Variants in FBXW8 observed in about 807,000 individuals in gnomAD.
FBXW8 encodes F-box/WD repeat-containing protein 8.
In FBXW8, 57 loss-of-function variants were observed where a neutral mutation model predicts 65.3. The observed-to-expected ratio is 0.87, with a 90% confidence interval of 0.71 to 1.09. FBXW8 has a LOEUF of 1.09. Among genes scored for constraint, FBXW8 ranks in the 50% least tolerant of loss-of-function variants. FBXW8 has a pLI of 0.00. For missense variants in FBXW8, 777 were observed against 814.8 expected (o/e 0.95, Z 0.57); for synonymous variants, 308 against 330.2 (o/e 0.93, Z 0.73).
chr12:116,928,014 T>TC lies in FBXW8; in HGVS notation c.319-5dup, dbSNP rs753858787. 10 of 1,504,656 alleles carry TC rather than the reference T, an allele frequency of 6.6e-6. No individual in the cohort carries two copies. The African/African-American group carries it at 7.2e-5, about 11-fold the overall frequency. The allele number at this position is 1,504,656 out of a possible 1,614,324, so 93.2% of individuals were successfully genotyped here. On this transcript the variant is annotated splice_polypyrimidine_tract_variant and intron_variant, in intron 1 of 10. Transcript: ENST00000652555. ...ATTATAAACTTCTTTCTTTTTTTTT[T>TC]CCCCTCAGAATGAAATGAATGATGT...
chr12:116,984,958 C>T (rs1211066864), intron 5 of FBXW8, among the ~76,000 whole-genome samples: 1 of 152,070 alleles, frequency 6.6e-6, no homozygotes, highest in Non-Finnish European at 1.5e-5. Flanking sequence ...CCACTGCACT[C>T]CAGCCTGGGC....
At chr12:116,955,538 G>A (rs1883588077) in intron 4 of FBXW8, among the ~76,000 whole-genome samples, 3 of 152,186 alleles carry the variant, frequency 2.0e-5, no homozygotes, top group African/African-American at 4.8e-5. Context: ...TTGTGTTTTA[G>A]CACAGAGTTT....
In FBXW8 at chr12:117,028,324, TGCACTTCCCCCAGCGCCTGGG is replaced by T. The variant is rs1954288407; in HGVS notation, c.*156_*176del. On this transcript the variant is annotated 3_prime_UTR_variant, in exon 11 of 11. Coordinates refer to ENST00000652555, the MANE Select transcript of FBXW8 (RefSeq NM_153348.3). This position sits in a 1 kb window ranked among gnomAD's most constrained non-coding sequence, Gnocchi z 4.1. ...TGACAGCACGCATCTCCCTGACCCC[TGCACTTCCCCCAGCGCCTGGG>T]GCAAGCTGGCGTGTGCCAGGGCTCG... 1 of 922,160 alleles carries T rather than the reference TGCACTTCCCCCAGCGCCTGGG, an allele frequency of 1.1e-6. No individual in the cohort carries two copies. Among genetic ancestry groups the T allele is most frequent in the African/African-American group, 1.7e-5 (1 of 58,860 alleles). 57.1% of individuals were successfully genotyped at this position (922,160 alleles called of 1,614,324 possible). A position where few individuals can be genotyped will look rare whatever the true frequency, so the allele number is the denominator to read the frequency against.
intron 3 of FBXW8, 146 bp from the exon 4 acceptor site, chr12:116,949,472 T>C: frequency 1.5e-6 from 1 of 687,116 alleles, no homozygotes; most frequent in Non-Finnish European, 2.6e-6. Flanking sequence ...ATCATCTTTG[T>C]CTTTTTGAAT....
rs1026025633 is a variant in FBXW8, at chr12:117,030,992, C to G, written c.*2820C>G. The G allele has an allele frequency of 1.3e-5, 2 of 152,214 alleles. No homozygotes were observed. The highest frequency in any genetic ancestry group is 2.9e-5 in the Non-Finnish European group (2 of 68,042). 9.4% of individuals were successfully genotyped at this position (152,214 alleles called of 1,614,324 possible). ...GTCCCTCTCAGGGACGCCTCCATCCCCGGCTCCCCTAAAGGTAGAAGATAC... is the reference window on the plus strand; with the variant it reads ...GTCCCTCTCAGGGACGCCTCCATCCGCGGCTCCCCTAAAGGTAGAAGATAC... On this transcript the variant is annotated 3_prime_UTR_variant, in exon 11 of 11. Transcript: ENST00000652555.
At chr12:116,939,108 G>A (rs539959689) in intron 2 of FBXW8, among the ~76,000 whole-genome samples, 1 of 152,332 alleles carries the variant, frequency 6.6e-6, no homozygotes, top group Non-Finnish European at 1.5e-5. Flanking sequence ...GGGCTTTTGA[G>A]ATACTCGTTG....
At chr12:116,962,890 C>G (rs1884070388) in intron 4 of FBXW8, among the ~76,000 whole-genome samples, 1 of 152,154 alleles carries the variant, frequency 6.6e-6, no homozygotes, top group South Asian at 2.1e-4. Context: ...GCAGTGAGCT[C>G]CAGGGTATGT....
chr12:116,922,178 C>T (rs566305244), intron 1 of FBXW8, among the ~76,000 whole-genome samples: 3 of 152,046 alleles, frequency 2.0e-5, no homozygotes, highest in South Asian at 2.1e-4. Context: ...TATTTCGAGA[C>T]AAATTGTGGA....
At chr12:117,026,509 C>CT (rs149631040) in intron 9 of FBXW8, among the ~76,000 whole-genome samples, 4,110 of 152,174 alleles carry the variant, frequency 0.027, 182 homozygotes, top group African/African-American at 0.088. Context: ...GCAGGGACTG[C>CT]TTCCCAGCTT....
intron 5 of FBXW8, among the ~76,000 whole-genome samples, chr12:116,975,242 G>C (rs187479229): frequency 2.0e-5 from 3 of 152,194 alleles, no homozygotes; most frequent in Non-Finnish European, 4.4e-5. Context: ...GTCTCTGTCC[G>C]TTTGGGCTGT....
chr12:116,999,279 C>T (rs1953451655), intron 7 of FBXW8, among the ~76,000 whole-genome samples: 1 of 152,220 alleles, frequency 6.6e-6, no homozygotes, highest in South Asian at 2.1e-4. Context: ...GAGAGCTGCT[C>T]TGCTGGACCT....
rs1353421332 is a variant in FBXW8 at position 117,028,005 on chromosome 12, C to CA, written c.1653-22dup. The CA allele has an allele frequency of 6.2e-7, 1 of 1,613,628 alleles. No individual in the cohort carries two copies. The highest frequency in any genetic ancestry group is 1.7e-5 in the Admixed American group (1 of 60,018). On this transcript the variant is annotated intron_variant, in intron 10 of 10. Coordinates refer to ENST00000652555, the MANE Select transcript of FBXW8 (RefSeq NM_153348.3). This position sits in a 1 kb window ranked among gnomAD's most constrained non-coding sequence, Gnocchi z 4.1. ...GGCCAGCGAGGCAGCCCTGACCTGT[C>CA]ACCATCTTTGTGCTCTTTCTAGACA... is the stretch of plus-strand genomic sequence containing the variant.
At chr12:117,026,531 A>C (rs949470768) in intron 9 of FBXW8, among the ~76,000 whole-genome samples, 1 of 152,016 alleles carries the variant, frequency 6.6e-6, no homozygotes, top group Non-Finnish European at 1.5e-5. Flanking sequence ...CCTCACTTCC[A>C]AGAATCCTTT....
chr12:116,999,645 T>A (rs1953461620), intron 7 of FBXW8, among the ~76,000 whole-genome samples: 1 of 152,186 alleles, frequency 6.6e-6, no homozygotes, highest in Non-Finnish European at 1.5e-5. Flanking sequence ...CTCAGAGCAC[T>A]GGCTGCGTGG....
In FBXW8 at chr12:116,988,650, T is replaced by TA; in HGVS notation, c.1033-12dup. ...TGAATTTATGGGACTAAACAACTCT[T>TA]ACCTTTTAACAGGTTCAGTACCTTG... On this transcript the variant is annotated splice_polypyrimidine_tract_variant and intron_variant, in intron 6 of 10. Coordinates refer to ENST00000652555, the MANE Select transcript of FBXW8 (RefSeq NM_153348.3). The TA allele has an allele frequency of 6.2e-7, 1 of 1,613,488 alleles. No homozygotes were observed. Among genetic ancestry groups the TA allele is most frequent in the South Asian group, 1.1e-5 (1 of 91,058 alleles).
In FBXW8 at chr12:116,911,118, A is replaced by C. The variant is rs924568152; in HGVS notation, c.81A>C (p.Arg27=). 3.6e-6 allele frequency: 5 copies of C among 1,387,436 alleles called. No homozygotes were observed. Among genetic ancestry groups the C allele is most frequent in the Non-Finnish European group, 4.6e-6 (5 of 1,081,082 alleles). The allele number at this position is 1,387,436 out of a possible 1,614,324, so 85.9% of individuals were successfully genotyped here. ...LAQAQAPKKR[R]RPEAAERRAR... ...AGGCCCAGGCGCCGAAGAAGCGGCG[A>C]CGGCCCGAGGCTGCCGAGAGGCGGG... Residue 27 remains arginine, a synonymous_variant, in exon 1 of 11, where the codon CGA becomes CGC. Coordinates refer to ENST00000652555, the MANE Select transcript of FBXW8 (RefSeq NM_153348.3).
chr12:116,922,867 T>A (rs1232051979), intron 1 of FBXW8, among the ~76,000 whole-genome samples: 1 of 152,036 alleles, frequency 6.6e-6, no homozygotes, highest in African/African-American at 2.4e-5. Context: ...TATCTGCCTA[T>A]GATGTATGGT....
chr12:116,938,402 G>A (rs1044472529), intron 2 of FBXW8, among the ~76,000 whole-genome samples: 4 of 151,962 alleles, frequency 2.6e-5, no homozygotes, highest in East Asian at 1.9e-4. Flanking sequence ...TATTTTCTAC[G>A]GAATAAGCAC....
rs1222240715 is a variant in FBXW8 at position 117,028,514 on chromosome 12, C to T, written c.*342C>T. ...TAGCCAGCTTCTGTGTGTCCGCCCT[C>T]CCAGCTCCAGCCCTGCAGGCCGTCT... On this transcript the variant is annotated 3_prime_UTR_variant, in exon 11 of 11. Coordinates refer to ENST00000652555, the MANE Select transcript of FBXW8 (RefSeq NM_153348.3). The surrounding 1 kb of genome is among the most constrained non-coding windows in gnomAD (Gnocchi z 4.1). 2 of 234,210 alleles carry T rather than the reference C, an allele frequency of 8.5e-6. No individual in the cohort carries two copies. Among genetic ancestry groups the T allele is most frequent in the Non-Finnish European group, 8.5e-6 (1 of 117,238 alleles). The allele number at this position is 234,210 out of a possible 1,614,324, so 14.5% of individuals were successfully genotyped here.
Sources: allele counts gnomAD v4.1 joint callset (sites outside exome capture counted in the v4.1 genomes callset), GRCh38; gene constraint gnomAD v4.1.1; non-coding constraint Gnocchi (gnomAD v3.1); transcripts MANE v1.5; gene names NCBI Gene and HGNC (gene_info 2026-07-23, HGNC 2026-07-21).